TMIGD3: variants seen among roughly 807,000 people sequenced by gnomAD.
TMIGD3 encodes transmembrane and immunoglobulin domain containing 3.
Under a neutral mutation model 28.1 loss-of-function variants are expected in TMIGD3, and 21 were observed. That is an observed-to-expected ratio of 0.75 (90% CI 0.53 to 1.08). The LOEUF (loss-of-function observed/expected upper bound fraction) is 1.08. TMIGD3 is among the 50% of genes least tolerant of loss of function. The pLI is 0.00. For synonymous variants in TMIGD3, 151 were observed against 162.1 expected (o/e 0.93, Z 0.52); for missense variants, 416 against 435.6 (o/e 0.96, Z 0.40).
chr1:111,493,849 G>C (rs780347264), intron 1 of TMIGD3, among the ~76,000 whole-genome samples: 4 of 152,180 alleles, frequency 2.6e-5, no homozygotes, highest in Admixed American at 6.5e-5. Context: ...TAAAACTGTA[G>C]AGCATATTAG....
intron 1 of TMIGD3, among the ~76,000 whole-genome samples, chr1:111,561,150 G>A (rs538565987): frequency 1.3e-5 from 2 of 152,248 alleles, no homozygotes; most frequent in South Asian, 4.1e-4. Context: ...TTGAGACAGG[G>A]TCTCCCTCTG....
At chr1:111,554,230 A>C (rs1022568508) in intron 1 of TMIGD3, among the ~76,000 whole-genome samples, 3 of 152,258 alleles carry the variant, frequency 2.0e-5, no homozygotes, top group Non-Finnish European at 4.4e-5. Flanking sequence ...AAAAACATAG[A>C]TCAAGTTAGA....
At chr1:111,491,061 G>T (rs1426745752) in intron 1 of TMIGD3, among the ~76,000 whole-genome samples, 1 of 152,236 alleles carries the variant, frequency 6.6e-6, no homozygotes, top group Non-Finnish European at 1.5e-5. Context: ...GCCCTGTCCT[G>T]CTGCCAATGG....
At chr1:111,496,189 G>A (rs2100970624) in intron 1 of TMIGD3, among the ~76,000 whole-genome samples, 1 of 152,206 alleles carries the variant, frequency 6.6e-6, no homozygotes, top group Non-Finnish European at 1.5e-5. Flanking sequence ...TTTTTAAAAA[G>A]AGACATTAAA....
At chr1:111,540,745 C>G (rs938046358) in intron 1 of TMIGD3, among the ~76,000 whole-genome samples, 1 of 152,120 alleles carries the variant, frequency 6.6e-6, no homozygotes, top group East Asian at 1.9e-4. Flanking sequence ...CCCTGACAAA[C>G]CCTGATAGAG....
chr1:111,521,812 T>C (rs1571433191), intron 1 of TMIGD3, among the ~76,000 whole-genome samples: 1 of 152,220 alleles, frequency 6.6e-6, no homozygotes, highest in South Asian at 2.1e-4. Flanking sequence ...TTTTGTGTTA[T>C]ATTTAAGAAA....
At chr1:111,499,854 G>A in intron 1 of TMIGD3, 1 of 1,541,890 alleles carries the variant, frequency 6.5e-7, no homozygotes, top group Non-Finnish European at 8.7e-7. Flanking sequence ...AGTAATCAAG[G>A]ATGTAAAAAT....
intron 1 of TMIGD3, among the ~76,000 whole-genome samples, chr1:111,561,070 A>G (rs1657717906): frequency 6.6e-6 from 1 of 152,136 alleles, no homozygotes; most frequent in South Asian, 2.1e-4. Context: ...CTGAAGAAGA[A>G]AATAATAGGA....
At chr1:111,515,041 C>A (rs1448284673) in intron 1 of TMIGD3, among the ~76,000 whole-genome samples, 2 of 152,206 alleles carry the variant, frequency 1.3e-5, no homozygotes, top group Non-Finnish European at 1.5e-5. Context: ...TGTTACACTG[C>A]CTGGAACCCC....
At chr1:111,540,855 T>C (rs1436787862) in intron 1 of TMIGD3, among the ~76,000 whole-genome samples, 1 of 152,250 alleles carries the variant, frequency 6.6e-6, no homozygotes, top group Non-Finnish European at 1.5e-5. Context: ...ATTTTCCTAA[T>C]GCCCTGTTTC....
At chr1:111,528,645 C>G (rs1656349850) in intron 1 of TMIGD3, among the ~76,000 whole-genome samples, 1 of 152,078 alleles carries the variant, frequency 6.6e-6, no homozygotes, top group Non-Finnish European at 1.5e-5. Context: ...TCTTACTATC[C>G]ATGATAATGG....
chr1:111,503,383 G>A lies in TMIGD3; in HGVS notation c.-29C>T. The A allele has an allele frequency of 1.3e-6, 2 of 1,581,622 alleles. No homozygotes were observed. The highest frequency in any genetic ancestry group is 1.7e-6 in the Non-Finnish European group (2 of 1,160,588). ...GCCTTCCCAGGGGAACCTCCACAGG[G>A]ACAGGTGAGCCAGCAAGATCCGTCT... On this transcript the variant is annotated 5_prime_UTR_variant, in exon 1 of 6. Coordinates refer to ENST00000369716, the MANE Select transcript of TMIGD3 (RefSeq NM_020683.7).
chr1:111,551,767 T>TTTTA (rs60895493), intron 1 of TMIGD3, among the ~76,000 whole-genome samples: 1 of 23,934 alleles, frequency 4.2e-5, no homozygotes, highest in African/African-American at 7.4e-5. Flanking sequence ...TTTTGTTTTG[T>TTTTA]TTTTTTGAGA....
intron 1 of TMIGD3, among the ~76,000 whole-genome samples, chr1:111,563,601 G>A (rs1054008458): frequency 5.9e-5 from 9 of 152,296 alleles, no homozygotes; most frequent in Admixed American, 5.9e-4. Flanking sequence ...ATGGGAAAAT[G>A]CCTCCAGAGC....
upstream of TMIGD3, among the ~76,000 whole-genome samples, chr1:111,506,870 G>C (rs1353219292): frequency 6.9e-6 from 1 of 145,568 alleles, no homozygotes; most frequent in Non-Finnish European, 1.5e-5. Flanking sequence ...ATTGGATCAA[G>C]GTACAATTTT....
chr1:111,527,749 T>A (rs920814637), intron 1 of TMIGD3, among the ~76,000 whole-genome samples: 2 of 152,246 alleles, frequency 1.3e-5, no homozygotes, highest in Non-Finnish European at 2.9e-5. Flanking sequence ...TCTAGTGACA[T>A]ATGAGATGGA....
chr1:111,522,189 A>G (rs888984118), intron 1 of TMIGD3, among the ~76,000 whole-genome samples: 2 of 152,210 alleles, frequency 1.3e-5, no homozygotes, highest in South Asian at 2.1e-4. Context: ...GAAATCAGGT[A>G]TTATTGGTAC....
chr1:111,501,443 T>C (rs901566603), intron 1 of TMIGD3: 3 of 152,198 alleles, frequency 2.0e-5, no homozygotes, highest in African/African-American at 7.2e-5. Flanking sequence ...AAACAGGAGA[T>C]ATTTTATTAT....
chr1:111,490,741 A>C lies in TMIGD3; in HGVS notation c.372T>G (p.Pro124=), dbSNP rs749550788. 33 of 1,613,716 alleles carry C rather than the reference A, an allele frequency of 2.0e-5. No homozygotes were observed. Among genetic ancestry groups the C allele is most frequent in the Middle Eastern group, 1.6e-4 (1 of 6,084 alleles). Residue 124 remains proline, a synonymous_variant, in exon 2 of 6, where the codon CCT becomes CCG. Coordinates refer to ENST00000369716, the MANE Select transcript of TMIGD3 (RefSeq NM_020683.7). ...LTVRFRIPGL[P]GCILSFQLKV... ...TCAACTGGAATGATAGAATGCACCC[A>C]GGGAGCCCAGGAATTCTGAATCTGT...
Sources: allele counts gnomAD v4.1 joint callset (sites outside exome capture counted in the v4.1 genomes callset), GRCh38; gene constraint gnomAD v4.1.1; transcripts MANE v1.5; gene names NCBI Gene and HGNC (gene_info 2026-07-23, HGNC 2026-07-21).